FHIT: variants seen among roughly 807,000 people sequenced by gnomAD.
The protein encoded by FHIT is fragile histidine triad diadenosine triphosphatase, also known as bis(5'-adenosyl)-triphosphatase.
Under a neutral mutation model 17.9 loss-of-function variants are expected in FHIT, and 19 were observed. The observed-to-expected ratio is 1.06, with a 90% CI of 0.74 to 1.56. FHIT has a LOEUF of 1.56. FHIT is among the 40% of genes most tolerant of loss of function. The pLI, the probability that FHIT is intolerant of heterozygous loss-of-function variation, is 0.00. For missense variants in FHIT, 248 were observed against 189.2 expected (o/e 1.31, Z -1.82); for synonymous variants, 81 against 69.7 (o/e 1.16, Z -0.81).
intron 5 of FHIT, among the ~76,000 whole-genome samples, chr3:60,022,099 C>T (rs1350194369): frequency 2.0e-5 from 3 of 152,154 alleles, no homozygotes; most frequent in Non-Finnish European, 1.5e-5. Flanking sequence ...TTGTAGAACA[C>T]TACACAGGAC....
intron 8 of FHIT, among the ~76,000 whole-genome samples, chr3:59,771,977 A>G (rs1462671135): frequency 6.6e-6 from 1 of 152,200 alleles, no homozygotes; most frequent in Non-Finnish European, 1.5e-5. Flanking sequence ...TAAAGCCCAC[A>G]AAGGATACAT....
At chr3:59,934,784 A>C (rs114587581) in intron 7 of FHIT, among the ~76,000 whole-genome samples, 1,626 of 152,160 alleles carry the variant, frequency 0.011, 30 homozygotes, top group African/African-American at 0.036. Flanking sequence ...AAACTATCAG[A>C]TCTCATGAGA....
intron 5 of FHIT, among the ~76,000 whole-genome samples, chr3:60,193,453 G>T (rs191761104): frequency 6.6e-6 from 1 of 152,224 alleles, no homozygotes; most frequent in East Asian, 1.9e-4. Context: ...ATTTCTAAAA[G>T]AAAACTAAAT....
In FHIT at chr3:61,068,121, G is replaced by C. The variant is rs182452412; in HGVS notation, c.-163-26022C>G. 5.5e-4 allele frequency among the ~76,000 whole-genome samples: 83 copies of C among 152,220 alleles called. 1 individual carries two copies. The highest frequency in any genetic ancestry group is 1.6e-3 in the Admixed American group (25 of 15,290). On this transcript the variant is annotated intron_variant, in intron 2 of 9. Transcript: ENST00000492590. ...CCAGGTGTATTACTATCCGAATAAA[G>C]CCAGAACAAATTTACACAAACTTTG...
chr3:61,220,034 C>A (rs545367963), intron 1 of FHIT, among the ~76,000 whole-genome samples: 2 of 151,216 alleles, frequency 1.3e-5, no homozygotes, highest in African/African-American at 4.9e-5. Context: ...TTAACTGCCA[C>A]GTTAAGGAAT....
At chr3:60,213,227 GCT>G (rs1384436819) in intron 5 of FHIT, among the ~76,000 whole-genome samples, 1 of 152,016 alleles carries the variant, frequency 6.6e-6, no homozygotes, top group Non-Finnish European at 1.5e-5. Flanking sequence ...ACCCTTTCTT[GCT>G]CTCTCTCCCC....
intron 7 of FHIT, among the ~76,000 whole-genome samples, chr3:59,984,027 C>T (rs779714821): frequency 2.0e-5 from 3 of 152,088 alleles, no homozygotes; most frequent in Non-Finnish European, 4.4e-5. Flanking sequence ...ATCAATGTTA[C>T]TTAACTTTCC....
rs190861603 is a variant in FHIT, at chr3:60,045,294, G to A, written c.104-31142C>T. Among the ~76,000 whole-genome samples the A allele has an allele frequency of 6.6e-5, 10 of 152,274 alleles. No homozygotes were observed. The East Asian group carries it at 1.9e-3, about 29-fold the overall frequency. On this transcript the variant is annotated intron_variant, in intron 5 of 9. Transcript: ENST00000492590. ...ACTGGGCAATTTACAAAAGAAAGAG[G>A]TTTAATGGACTTACAGTTCCACATG...
chr3:60,881,956 A>T (rs1705001992), intron 3 of FHIT, among the ~76,000 whole-genome samples: 1 of 152,038 alleles, frequency 6.6e-6, no homozygotes, highest in Non-Finnish European at 1.5e-5. Flanking sequence ...ATCAATTTTT[A>T]AAACTTTTTT....
chr3:60,388,296 G>A (rs566685882), intron 5 of FHIT, among the ~76,000 whole-genome samples: 10 of 152,226 alleles, frequency 6.6e-5, no homozygotes, highest in South Asian at 2.1e-4. Flanking sequence ...CACAAGGCAC[G>A]TCTCTTGAGT....
intron 4 of FHIT, among the ~76,000 whole-genome samples, chr3:60,778,737 T>G (rs1466538170): frequency 1.3e-5 from 2 of 152,240 alleles, no homozygotes; most frequent in Admixed American, 1.3e-4. Context: ...GAATCCATTT[T>G]TCTTTTGCAG....
Position 59,748,678 on chromosome 3 carries a change from G to A in FHIT, c.*907C>T, listed in dbSNP as rs1056080478. 3.9e-5 allele frequency among the ~76,000 whole-genome samples: 6 copies of A among 152,120 alleles called. No homozygotes were observed. The highest frequency in any genetic ancestry group is 1.4e-4 in the African/African-American group (6 of 41,428). On this transcript the variant is annotated 3_prime_UTR_variant, in exon 10 of 10. Coordinates refer to ENST00000492590, the MANE Select transcript of FHIT (RefSeq NM_002012.4). ...GGACAGGGAGAAGGAAGTGGCTAGA[G>A]AGGTGAGCTCTTTTAGCAAGGAGGG...
chr3:61,013,647 G>T lies in FHIT; in HGVS notation c.-111+28400C>A, dbSNP rs145626140. Reference sequence around the variant, plus strand: ...AAGAAGGGAGAGAGAAAAAAGAGGAGGTGATGAAATGCCATCATGATATCA... The same window carrying T: ...AAGAAGGGAGAGAGAAAAAAGAGGATGTGATGAAATGCCATCATGATATCA... On this transcript the variant is annotated intron_variant, in intron 3 of 9. Coordinates refer to ENST00000492590, the MANE Select transcript of FHIT (RefSeq NM_002012.4). 1.1e-3 allele frequency among the ~76,000 whole-genome samples: 160 copies of T among 152,240 alleles called. 2 individuals carry two copies. In the East Asian group the frequency reaches 0.023, roughly 22 times the overall value.
intron 3 of FHIT, among the ~76,000 whole-genome samples, chr3:60,992,431 G>A (rs2030316678): frequency 6.6e-6 from 1 of 152,198 alleles, no homozygotes; most frequent in Admixed American, 6.5e-5. Flanking sequence ...CAGGGGATCA[G>A]AAAGTCAGCT....
intron 4 of FHIT, among the ~76,000 whole-genome samples, chr3:60,723,410 C>T (rs1426928977): frequency 6.6e-6 from 1 of 152,176 alleles, no homozygotes; most frequent in Non-Finnish European, 1.5e-5. Flanking sequence ...CACTATGCCT[C>T]ACCTGTTTGT....
intron 4 of FHIT, among the ~76,000 whole-genome samples, chr3:60,745,325 G>A (rs1386519359): frequency 2.0e-5 from 3 of 152,134 alleles, no homozygotes; most frequent in Admixed American, 2.0e-4. Context: ...ACACTCAAAG[G>A]CCTTGCCGTG....
At chr3:60,531,115 A>G (rs1054470443) in intron 5 of FHIT, among the ~76,000 whole-genome samples, 3 of 152,210 alleles carry the variant, frequency 2.0e-5, no homozygotes, top group African/African-American at 7.2e-5. Flanking sequence ...TTCTCCTCCA[A>G]AAGCTCTTAA....
intron 2 of FHIT, among the ~76,000 whole-genome samples, chr3:61,107,054 G>C (rs1025226583): frequency 6.6e-6 from 1 of 152,090 alleles, no homozygotes; most frequent in Non-Finnish European, 1.5e-5. Flanking sequence ...TCATTATGTT[G>C]TACAATAGAT....
intron 4 of FHIT, among the ~76,000 whole-genome samples, chr3:60,631,023 C>A (rs1361076725): frequency 6.6e-6 from 1 of 150,752 alleles, no homozygotes; most frequent in Non-Finnish European, 1.5e-5. Flanking sequence ...TTTGAGACAC[C>A]TGGCCAAGTA....
Sources: gnomAD v4.1 joint callset for allele counts (sites outside exome capture counted in the v4.1 genomes callset) on GRCh38, gnomAD v4.1.1 for gene constraint, MANE v1.5 for transcripts, NCBI Gene and HGNC (gene_info 2026-07-23, HGNC 2026-07-21) for gene names.